The following TMEM9 variants were observed in gnomAD, a reference collection of about 807,000 sequenced individuals.
TMEM9 encodes the protein transmembrane protein 9.
TMEM9 carries 13 observed loss-of-function variants against 22.8 expected under a neutral mutation model. The ratio of observed to expected loss-of-function variants is 0.57; its 90% CI spans 0.37 to 0.91. The LOEUF (loss-of-function observed/expected upper bound fraction) is 0.91. TMEM9 is among the 40% of genes least tolerant of loss of function. The pLI, the probability that TMEM9 is intolerant of heterozygous loss-of-function variation, is 0.01. For missense variants in TMEM9, 182 were observed against 238.1 expected (o/e 0.76, Z 1.55); for synonymous variants, 88 against 93.0 (o/e 0.95, Z 0.31).
At chr1:201,151,725 G>A (rs1231162979) in intron 2 of TMEM9, 36 bp downstream of exon 2, 10 of 1,520,520 alleles carry the variant, frequency 6.6e-6, no homozygotes, top group African/African-American at 1.4e-5. Flanking sequence ...ACTTCAACTG[G>A]GTATAGCAGC....
intron 1 of TMEM9, among the ~76,000 whole-genome samples, chr1:201,160,650 C>A (rs1665918995): frequency 6.8e-6 from 1 of 147,568 alleles, no homozygotes; most frequent in Non-Finnish European, 1.5e-5. Flanking sequence ...AATCGAGGAC[C>A]CTAGGGCTGG....
At chr1:201,142,542 C>T (rs570453363) in intron 4 of TMEM9, among the ~76,000 whole-genome samples, 39 of 152,338 alleles carry the variant, frequency 2.6e-4, no homozygotes, top group African/African-American at 7.7e-4. Context: ...AGCTATCATG[C>T]GTCTCCTTTA....
At chr1:201,168,805 T>TTTAA (rs1666143100) in intron 1 of TMEM9, among the ~76,000 whole-genome samples, 1 of 150,476 alleles carries the variant, frequency 6.6e-6, no homozygotes, top group East Asian at 1.9e-4. Flanking sequence ...TATTTACTTA[T>TTTAA]TTTCTAGACA....
At chr1:201,156,970 T>C (rs1203063848), upstream of TMEM9, among the ~76,000 whole-genome samples, 1 of 152,208 alleles carries the variant, frequency 6.6e-6, no homozygotes, top group African/African-American at 2.4e-5. Flanking sequence ...GAAGCAGCCT[T>C]GTTGTCTGTG....
At chr1:201,144,022 G>A in intron 3 of TMEM9, 71 bp from the exon 4 acceptor site, 2 of 1,566,586 alleles carry the variant, frequency 1.3e-6, no homozygotes, top group South Asian at 2.3e-5. Flanking sequence ...GCTAGTCTTG[G>A]GCCATCTGTG....
Position 201,138,567 on chromosome 1 carries a change from G to A in TMEM9, c.400-2752C>T, listed in dbSNP as rs546144244. ...CAGAAGGGCAGTTAGGAGGGGAGGCGGGTGGAGCCCCTCCCAATCAGAAAA... is the reference window on the plus strand; with the variant it reads ...CAGAAGGGCAGTTAGGAGGGGAGGCAGGTGGAGCCCCTCCCAATCAGAAAA... On this transcript the variant is annotated intron_variant, in intron 4 of 4. Coordinates refer to ENST00000367330, the MANE Select transcript of TMEM9 (RefSeq NM_001288565.2). 1.8e-3 allele frequency among the ~76,000 whole-genome samples: 277 copies of A among 152,276 alleles called. 1 individual carries two copies. The highest frequency in any genetic ancestry group is 6.5e-3 in the African/African-American group (270 of 41,552).
chr1:201,147,144 A>G (rs1558111512), intron 2 of TMEM9, among the ~76,000 whole-genome samples: 1 of 151,984 alleles, frequency 6.6e-6, no homozygotes, highest in Non-Finnish European at 1.5e-5. Context: ...TCCTCATCTC[A>G]TGCTATGTTC....
intron 1 of TMEM9, among the ~76,000 whole-genome samples, chr1:201,169,429 C>T (rs1298874369): frequency 6.6e-6 from 1 of 152,212 alleles, no homozygotes; most frequent in African/African-American, 2.4e-5. Context: ...GCACCAGTAG[C>T]CTACAGCTGG....
intron 1 of TMEM9, among the ~76,000 whole-genome samples, chr1:201,166,995 T>C (rs989309251): frequency 6.6e-6 from 1 of 152,228 alleles, no homozygotes; most frequent in African/African-American, 2.4e-5. Flanking sequence ...GCTATGTGTA[T>C]GCAAGTTGAT....
upstream of TMEM9, among the ~76,000 whole-genome samples, chr1:201,157,564 G>A (rs4915490): frequency 0.05 from 7,610 of 152,270 alleles, 305 homozygotes; most frequent in South Asian, 0.11. Context: ...CTTGCTATCT[G>A]CCTAAATAAT....
At chr1:201,151,685 A>G in intron 2 of TMEM9, 76 bp downstream of exon 2, 1 of 1,072,294 alleles carries the variant, frequency 9.3e-7, no homozygotes, top group Non-Finnish European at 1.4e-6. Context: ...CTTATCCTCC[A>G]GGGTCCAAGA....
intron 1 of TMEM9, among the ~76,000 whole-genome samples, chr1:201,166,758 A>T (rs534887911): frequency 8.7e-4 from 132 of 152,314 alleles, no homozygotes; most frequent in African/African-American, 3.0e-3. Flanking sequence ...TTAATTTTTT[A>T]AAATGGAGGT....
chr1:201,138,571 G>A (rs1664219376), intron 4 of TMEM9, among the ~76,000 whole-genome samples: 1 of 152,148 alleles, frequency 6.6e-6, no homozygotes, highest in Non-Finnish European at 1.5e-5. Context: ...GGAGGCGGGT[G>A]GAGCCCCTCC....
At chr1:201,138,659 G>A (rs1664231362) in intron 4 of TMEM9, among the ~76,000 whole-genome samples, 1 of 152,206 alleles carries the variant, frequency 6.6e-6, no homozygotes. Flanking sequence ...ACTATGACAA[G>A]TGCCACTATG....
intron 3 of TMEM9, chr1:201,145,534 C>T (rs12041223): frequency 0.024 from 3,616 of 152,428 alleles, 95 homozygotes; most frequent in East Asian, 0.12. Flanking sequence ...AAGACCACCG[C>T]CCCCTAAATG....
At chr1:201,141,145 C>G (rs1300143287) in intron 4 of TMEM9, among the ~76,000 whole-genome samples, 2 of 152,186 alleles carry the variant, frequency 1.3e-5, no homozygotes, top group East Asian at 3.9e-4. Context: ...ACTTTCCGAC[C>G]CCTTGTCTAG....
intron 2 of TMEM9, among the ~76,000 whole-genome samples, chr1:201,148,498 C>A (rs1233823841): frequency 6.6e-6 from 1 of 152,232 alleles, no homozygotes; most frequent in Admixed American, 6.5e-5. Flanking sequence ...CACCTGGGCT[C>A]TGTCCTGGCT....
chr1:201,160,936 C>CG (rs1665929453), intron 1 of TMEM9, among the ~76,000 whole-genome samples: 1 of 115,540 alleles, frequency 8.7e-6, no homozygotes, highest in Non-Finnish European at 1.8e-5. Context: ...ACTCTGTCTC[C>CG]AAAAAAAAAA....
chr1:201,162,217 A>G (rs1456787565), intron 1 of TMEM9, among the ~76,000 whole-genome samples: 1 of 151,186 alleles, frequency 6.6e-6, no homozygotes. Context: ...TGACCCAGGC[A>G]CAATCATGGC....
Sources: allele counts gnomAD v4.1 joint callset (sites outside exome capture counted in the v4.1 genomes callset), GRCh38; gene constraint gnomAD v4.1.1; transcripts MANE v1.5; gene names NCBI Gene and HGNC (gene_info 2026-07-23, HGNC 2026-07-21).